SCPEP1: variants seen among roughly 807,000 people sequenced by gnomAD.
SCPEP1 encodes the protein serine carboxypeptidase 1, also known as retinoid-inducible serine carboxypeptidase.
A neutral mutation model predicts 63.8 loss-of-function variants in SCPEP1; 51 were observed. The observed-to-expected ratio is 0.80, with a 90% confidence interval of 0.64 to 1.01. The LOEUF (loss-of-function observed/expected upper bound fraction) is 1.01. Ranked by LOEUF, SCPEP1 falls within the 50% of genes least tolerant of loss-of-function variation. The pLI is 0.00. For missense variants in SCPEP1, 499 were observed against 554.9 expected, an observed-to-expected ratio of 0.90 and a Z score of 1.01; for synonymous variants, 204 against 207.8, an observed-to-expected ratio of 0.98 and a Z score of 0.16.
intron 9 of SCPEP1, chr17:56,997,947 GT>G: frequency 6.1e-6 from 1 of 163,330 alleles, no homozygotes. Flanking sequence ...GTGAATCAAG[GT>G]GACGCTTTTC....
intron 7 of SCPEP1, 142 bp downstream of exon 7, chr17:56,995,160 G>A: frequency 1.5e-6 from 1 of 677,238 alleles, no homozygotes; most frequent in Non-Finnish European, 2.5e-6. Flanking sequence ...ACATAGAGTT[G>A]GAGACCCAAA....
At chr17:56,991,312 AAT>A (rs1911392091) in intron 6 of SCPEP1, 141 bp downstream of exon 6, 1 of 729,238 alleles carries the variant, frequency 1.4e-6, no homozygotes, top group African/African-American at 1.7e-5. Flanking sequence ...ACATCCAAGA[AAT>A]ATAGAGACAG....
intron 12 of SCPEP1, among the ~76,000 whole-genome samples, chr17:57,003,964 G>A (rs1911813390): frequency 6.6e-6 from 1 of 152,094 alleles, no homozygotes; most frequent in Non-Finnish European, 1.5e-5. Flanking sequence ...TTTGGGAGGC[G>A]AAGGCAGGTG....
In SCPEP1 at chr17:56,986,381, G is replaced by A. The variant is rs112198726; in HGVS notation, c.315+914G>A. 2.2e-3 allele frequency among the ~76,000 whole-genome samples: 327 copies of A among 152,002 alleles called. 1 individual carries two copies. Among genetic ancestry groups the A allele is most frequent in the African/African-American group, 7.6e-3 (316 of 41,462 alleles). ...ATTATAGGCATGCGCCAGCACGCCCGGCTAATTTTTGTATTTTTAGGAGAG... is the reference window on the plus strand; with the variant it reads ...ATTATAGGCATGCGCCAGCACGCCCAGCTAATTTTTGTATTTTTAGGAGAG... On this transcript the variant is annotated intron_variant, in intron 3 of 12. Coordinates refer to ENST00000262288, the MANE Select transcript of SCPEP1 (RefSeq NM_021626.3).
chr17:56,981,627 C>T (rs958676896), intron 2 of SCPEP1, among the ~76,000 whole-genome samples: 2 of 151,962 alleles, frequency 1.3e-5, no homozygotes, highest in African/African-American at 4.8e-5. Context: ...CCAGGCTGGC[C>T]GACATAGTGA....
chr17:57,005,352 C>T (rs1275243853), intron 12 of SCPEP1, among the ~76,000 whole-genome samples: 1 of 152,210 alleles, frequency 6.6e-6, no homozygotes, highest in Non-Finnish European at 1.5e-5. Flanking sequence ...TGGTTTGTCA[C>T]ATATAGAACA....
intron 2 of SCPEP1, chr17:56,983,292 C>G (rs564323622): frequency 2.6e-5 from 4 of 152,392 alleles, no homozygotes; most frequent in African/African-American, 9.6e-5. Flanking sequence ...CCTGGCATAC[C>G]AGAAGCAGAG....
chr17:57,000,527 C>T (rs944917912), intron 10 of SCPEP1, among the ~76,000 whole-genome samples: 2 of 152,190 alleles, frequency 1.3e-5, no homozygotes, highest in Non-Finnish European at 1.5e-5. Flanking sequence ...ACAATTTATT[C>T]CCTGAGTGTA....
At position 56,995,576 on chromosome 17, in the gene SCPEP1, A is replaced by G. The variant is rs759609425; in HGVS notation, c.727A>G (p.Lys243Glu). ...AGAGCAAGTACTGAATGCCGTAAAT[A>G]AGGGGCTCTACAGAGAGGCCACAGA... is the stretch of plus-strand genomic sequence containing the variant. The part of the protein sequence containing the change: ...VAEQVLNAVN[K>E]GLYREATELW... Residue 243 changes from lysine to glutamate, a missense_variant, in exon 8 of 13, where the codon AAG becomes GAG. Lys to Glu is a moderately conservative substitution (Grantham distance 56). Transcript: ENST00000262288. 1 of 1,614,134 alleles carries G rather than the reference A, an allele frequency of 6.2e-7. No homozygotes were observed. The highest frequency in any genetic ancestry group is 8.5e-7 in the Non-Finnish European group (1 of 1,179,996).
intron 3 of SCPEP1, among the ~76,000 whole-genome samples, chr17:56,985,941 G>A (rs1404316142): frequency 6.6e-6 from 1 of 151,578 alleles, no homozygotes; most frequent in Non-Finnish European, 1.5e-5. Flanking sequence ...CCCCTCTGTG[G>A]TCAACTCCCA....
chr17:56,997,808 G>A (rs1217727700), intron 9 of SCPEP1, among the ~76,000 whole-genome samples: 1 of 151,310 alleles, frequency 6.6e-6, no homozygotes, highest in Non-Finnish European at 1.5e-5. Flanking sequence ...GCCCAGGCCA[G>A]AGTGCCATTG....
At position 56,991,263 on chromosome 17, in the gene SCPEP1, G is replaced by C. The variant is rs149627913; in HGVS notation, c.619+92G>C. 1.4e-4 allele frequency: 140 copies of C among 969,400 alleles called. No homozygotes were observed. The African/African-American group carries it at 1.9e-3, about 13-fold the overall frequency. 60.0% of individuals were successfully genotyped at this position (969,400 alleles called of 1,614,324 possible). ...TGTGTTGTCCAGATCAAAGAGCTAAGCAGGAGAATGTTCTGGGCCCTTAGA... is the reference window on the plus strand; with the variant it reads ...TGTGTTGTCCAGATCAAAGAGCTAACCAGGAGAATGTTCTGGGCCCTTAGA... On this transcript the variant is annotated intron_variant, in intron 6 of 12. Coordinates refer to ENST00000262288, the MANE Select transcript of SCPEP1 (RefSeq NM_021626.3).
chr17:56,981,344 T>C, intron 2 of SCPEP1, 114 bp downstream of exon 2: 1 of 1,158,572 alleles, frequency 8.6e-7, no homozygotes, highest in Non-Finnish European at 1.2e-6. Flanking sequence ...GGTCCAGCAG[T>C]GTGACCTGGG....
At chr17:56,990,237 A>T (rs539687573) in intron 5 of SCPEP1, among the ~76,000 whole-genome samples, 4 of 152,242 alleles carry the variant, frequency 2.6e-5, no homozygotes, top group African/African-American at 9.6e-5. Context: ...GACACACTTA[A>T]CTGCAGTCAG....
intron 12 of SCPEP1, among the ~76,000 whole-genome samples, chr17:57,004,357 G>GTAAA (rs1205758488): frequency 6.6e-6 from 1 of 152,166 alleles, no homozygotes; most frequent in Non-Finnish European, 1.5e-5. Context: ...GTCTCAAAAA[G>GTAAA]TAAATCAATA....
At chr17:57,002,510 G>T (rs186561087) in intron 12 of SCPEP1, among the ~76,000 whole-genome samples, 1 of 152,210 alleles carries the variant, frequency 6.6e-6, no homozygotes, top group African/African-American at 2.4e-5. Flanking sequence ...GAGCTCAAGA[G>T]TTCAAGACCA....
At chr17:56,988,161 G>A in intron 4 of SCPEP1, 55 bp from the exon 5 acceptor site, 2 of 1,356,332 alleles carry the variant, frequency 1.5e-6, no homozygotes, top group East Asian at 4.6e-5. Context: ...ATTAATTTGT[G>A]TGACTCAAAA....
chr17:56,991,604 C>T (rs1911401749), intron 6 of SCPEP1, among the ~76,000 whole-genome samples: 2 of 152,158 alleles, frequency 1.3e-5, no homozygotes, highest in African/African-American at 4.8e-5. Flanking sequence ...ATATTGATGG[C>T]AAGACAAGGT....
intron 5 of SCPEP1, 135 bp from the exon 6 acceptor site, chr17:56,990,964 G>T: frequency 1.4e-6 from 1 of 736,644 alleles, no homozygotes; most frequent in Non-Finnish European, 2.5e-6. Flanking sequence ...AGAGATGGGG[G>T]TCTCACTACA....
Sources: allele counts gnomAD v4.1 joint callset (sites outside exome capture counted in the v4.1 genomes callset), GRCh38; gene constraint gnomAD v4.1.1; transcripts MANE v1.5; gene names NCBI Gene and HGNC (gene_info 2026-07-23, HGNC 2026-07-21).